The following CDKL5 variants were observed in gnomAD, a reference collection of about 807,000 sequenced individuals.
CDKL5 encodes the protein cyclin-dependent kinase-like 5.
Under a neutral mutation model 61.7 loss-of-function variants are expected in CDKL5, and 8 were observed. The ratio of observed to expected loss-of-function variants is 0.13; its 90% CI spans 0.08 to 0.23. The LOEUF (loss-of-function observed/expected upper bound fraction) is 0.23, where lower values mean the gene tolerates loss of function less well. Ranked by LOEUF, CDKL5 falls within the 10% of genes least tolerant of loss-of-function variation. CDKL5 has a pLI of 1.00. For missense variants in CDKL5, 440 were observed against 734.5 expected (o/e 0.60, Z 4.63); for synonymous variants, 275 against 272.3 (o/e 1.01, Z -0.10).
intron 15 of CDKL5, among the ~76,000 whole-genome samples, chrX:18,618,117 T>C (rs1297910923): frequency 8.9e-6 from 1 of 112,411 alleles, no homozygotes. Context: ...CTTACAGTAA[T>C]GCCCATTCAC....
At chrX:18,509,213 A>G (rs1389752864) in intron 2 of CDKL5, among the ~76,000 whole-genome samples, 14 of 100,332 alleles carry the variant, frequency 1.4e-4, no homozygotes, top group East Asian at 1.4e-3. Flanking sequence ...ACACACACAC[A>G]CACACACACA....
chrX:18,626,723 T>TCCC (rs1485757216), intron 17 of CDKL5: 1 of 16,545 alleles, frequency 6.0e-5, no homozygotes, highest in African/African-American at 3.5e-4. Context: ...TCTCTCTCTC[T>TCCC]CCCCCCTCTC....
intron 2 of CDKL5, 79 bp from the exon 3 acceptor site, chrX:18,510,741 C>T: frequency 1.3e-6 from 1 of 792,534 alleles, no homozygotes; most frequent in Non-Finnish European, 1.9e-6. Context: ...ATTATTATAA[C>T]ACTGAGAAGC....
At position 18,604,667 on chromosome X, in the gene CDKL5, T is replaced by C. The variant is rs1602286800; in HGVS notation, c.1743T>C (p.His581=). The part of the protein sequence containing the change: ...LKLPEHMDSS[H]SHSLSAPHES... ...TGCCGGAGCACATGGACAGTAGCCA[T>C]TCCCATTCACTGTCTGCACCTCACG... The change falls in exon 12 of 18, where the codon CAT becomes CAC. Residue 581 remains histidine (H), a synonymous_variant. Transcript: ENST00000623535. 8.3e-7 allele frequency: 1 copy of C among 1,211,162 alleles called. No individual in the cohort carries two copies.
intron 16 of CDKL5, among the ~76,000 whole-genome samples, chrX:18,623,393 A>T (rs902183350): frequency 1.8e-5 from 2 of 111,937 alleles, no homozygotes; most frequent in African/African-American, 6.5e-5. Flanking sequence ...TTTCAGGCTT[A>T]AAAGTTGACC....
Position 18,635,423 on chromosome X carries a change from T to A in CDKL5, c.*6666T>A, listed in dbSNP as rs1927357107. The A allele has an allele frequency of 4.0e-6, 3 of 752,687 alleles. No homozygotes were observed. Among genetic ancestry groups the A allele is most frequent in the Admixed American group, 1.8e-4 (2 of 11,403 alleles). The allele number at this position is 752,687 out of a possible 1,213,427, so 62.0% of individuals were successfully genotyped here. On this transcript the variant is annotated 3_prime_UTR_variant, in exon 18 of 18. Transcript: ENST00000623535. The stretch of plus-strand genomic sequence containing the variant: ...TGTGACTGCCAGGCCGTCCCAATCT[T>A]GAGCACTGTGGTCCTTCGTGTTTGA...
At chrX:18,430,524 A>G (rs779022566) in intron 1 of CDKL5, among the ~76,000 whole-genome samples, 1 of 111,203 alleles carries the variant, frequency 9.0e-6, no homozygotes, top group South Asian at 3.8e-4. Flanking sequence ...GCTCACTGCA[A>G]CCTCCGTCTC....
chrX:18,467,363 G>A (rs1261352279), intron 1 of CDKL5, among the ~76,000 whole-genome samples: 1 of 111,428 alleles, frequency 9.0e-6, no homozygotes, highest in East Asian at 2.8e-4. Flanking sequence ...AAGTCAAAAT[G>A]TTATATAAAC....
chrX:18,647,223 T>A, intron 20 of CDKL5: 1 of 1,211,315 alleles, frequency 8.3e-7, no homozygotes, highest in Non-Finnish European at 1.1e-6. Context: ...GGGCCTTGTT[T>A]GCAGTCCACG....
chrX:18,585,551 AC>A (rs201939730), intron 8 of CDKL5, among the ~76,000 whole-genome samples: 7,295 of 111,898 alleles, frequency 0.065, 586 homozygotes, highest in African/African-American at 0.23. Context: ...CTTTGTGGCC[AC>A]CCTTTAACTT....
chrX:18,495,604 T>C (rs1922140490), intron 1 of CDKL5, among the ~76,000 whole-genome samples: 1 of 111,920 alleles, frequency 8.9e-6, no homozygotes, highest in African/African-American at 3.2e-5. Context: ...AGGGACAAAC[T>C]GTTTACAGAG....
chrX:18,553,423 A>G (rs1330521009), intron 3 of CDKL5, among the ~76,000 whole-genome samples: 1 of 108,194 alleles, frequency 9.2e-6, no homozygotes, highest in Non-Finnish European at 1.9e-5. Context: ...TTGTGTTGGA[A>G]ATTTATCACT....
intron 1 of CDKL5, among the ~76,000 whole-genome samples, chrX:18,455,592 A>C (rs1305384879): frequency 8.9e-6 from 1 of 112,892 alleles, no homozygotes; most frequent in Non-Finnish European, 1.9e-5. Flanking sequence ...GAGGACTGTT[A>C]AGAGGCCTGC....
chrX:18,621,517 A>G (rs1226749606), intron 16 of CDKL5, among the ~76,000 whole-genome samples: 2 of 111,650 alleles, frequency 1.8e-5, no homozygotes, highest in Admixed American at 9.5e-5. Context: ...TAGCCTATGC[A>G]TATGTTTGTG....
intron 1 of CDKL5, among the ~76,000 whole-genome samples, chrX:18,453,202 A>G (rs977652205): frequency 9.0e-6 from 1 of 111,356 alleles, no homozygotes; most frequent in African/African-American, 3.3e-5. Flanking sequence ...TAATTTTTTC[A>G]GATGTAGTTC....
Position 18,633,643 on chromosome X carries a change from A to G in CDKL5, c.*4886A>G. The stretch of plus-strand genomic sequence containing the variant: ...TCCCTCATCTATCTGCATACACGCA[A>G]TGTGGGAGAAGTGGGGTGGCTAGGA... On this transcript the variant is annotated 3_prime_UTR_variant, in exon 18 of 18. Coordinates refer to ENST00000623535, the MANE Select transcript of CDKL5 (RefSeq NM_001323289.2). The G allele has an allele frequency of 1.3e-6, 1 of 754,605 alleles. No individual in the cohort carries two copies. The allele number at this position is 754,605 out of a possible 1,213,427, so 62.2% of individuals were successfully genotyped here. A position where few individuals can be genotyped will look rare whatever the true frequency, so the allele number is the denominator to read the frequency against.
chrX:18,475,714 ATACT>A (rs1921283283), intron 1 of CDKL5, among the ~76,000 whole-genome samples: 1 of 112,541 alleles, frequency 8.9e-6, no homozygotes, highest in African/African-American at 3.2e-5. Context: ...TAGCCTTCTA[ATACT>A]TAGTATTAAT....
At chrX:18,499,621 G>A (rs953280323) in intron 1 of CDKL5, among the ~76,000 whole-genome samples, 2 of 110,824 alleles carry the variant, frequency 1.8e-5, no homozygotes, top group African/African-American at 6.6e-5. Context: ...CCTCGGCCTC[G>A]GCCTCCTAAA....
rs1923010279 is a variant in CDKL5 at position 18,516,205 on chromosome X, G to T, written c.99+5351G>T. On this transcript the variant is annotated intron_variant, in intron 3 of 17. Coordinates refer to ENST00000623535, the MANE Select transcript of CDKL5 (RefSeq NM_001323289.2). ...GGGGTTTCACCATGTTGGCCATGCTGGTCTTGAACTCCTGACCTCAAGTGA... is the reference window on the plus strand; with the variant it reads ...GGGGTTTCACCATGTTGGCCATGCTTGTCTTGAACTCCTGACCTCAAGTGA... 2.7e-5 allele frequency among the ~76,000 whole-genome samples: 3 copies of T among 110,727 alleles called. No homozygotes were observed. In the South Asian group the frequency reaches 1.1e-3, roughly 42 times the overall value.
Sources: allele counts gnomAD v4.1 joint callset (sites outside exome capture counted in the v4.1 genomes callset), GRCh38; gene constraint gnomAD v4.1.1; transcripts MANE v1.5; gene names NCBI Gene and HGNC (gene_info 2026-07-23, HGNC 2026-07-21).